The following RNGTT variants were observed in gnomAD, a reference collection of about 807,000 sequenced individuals.
RNGTT encodes the protein mRNA-capping enzyme.
RNGTT carries 33 observed loss-of-function variants against 79.3 expected under a neutral mutation model. That is an observed-to-expected ratio of 0.42 (90% CI 0.32 to 0.56). The LOEUF is 0.56. Ranked by LOEUF, RNGTT falls within the 20% of genes least tolerant of loss-of-function variation. The pLI is 0.17. For synonymous variants in RNGTT, 222 were observed against 235.9 expected (o/e 0.94, Z 0.54); for missense variants, 497 against 739.1 (o/e 0.67, Z 3.80).
intron 6 of RNGTT, among the ~76,000 whole-genome samples, chr6:88,903,484 A>G (rs1783542111): frequency 1.3e-5 from 2 of 152,350 alleles, no homozygotes; most frequent in South Asian, 2.1e-4. Context: ...GTAATTTCAG[A>G]TATCTAAATC....
intron 11 of RNGTT, among the ~76,000 whole-genome samples, chr6:88,843,616 T>C (rs1178418994): frequency 3.0e-5 from 4 of 132,566 alleles, no homozygotes; most frequent in African/African-American, 8.7e-5. Flanking sequence ...TGGAGTGCAA[T>C]GGCGCAATCT....
At chr6:88,922,367 ACAGACATGT>A (rs1309768257) in intron 4 of RNGTT, among the ~76,000 whole-genome samples, 4 of 152,162 alleles carry the variant, frequency 2.6e-5, no homozygotes, top group African/African-American at 9.7e-5. Context: ...AGAGCAAGTC[ACAGACATGT>A]CATGTCACTA....
At chr6:88,833,747 A>G (rs1014171853) in intron 11 of RNGTT, among the ~76,000 whole-genome samples, 3 of 152,142 alleles carry the variant, frequency 2.0e-5, no homozygotes, top group Admixed American at 6.6e-5. Context: ...CTTTTGACAG[A>G]GCATGGTGGC....
At chr6:88,880,676 T>A (rs967566844) in intron 8 of RNGTT, among the ~76,000 whole-genome samples, 2 of 152,192 alleles carry the variant, frequency 1.3e-5, no homozygotes. Flanking sequence ...ACAGTACTTA[T>A]TAAAACCATT....
intron 14 of RNGTT, among the ~76,000 whole-genome samples, chr6:88,633,266 A>G (rs1438553843): frequency 2.0e-5 from 3 of 149,406 alleles, no homozygotes; most frequent in Non-Finnish European, 4.5e-5. Context: ...GTATGTGTAG[A>G]AAAAAAAAAG....
In RNGTT at chr6:88,887,845, G is replaced by A. The variant is rs1365696981; in HGVS notation, c.896+2650C>T. 2.0e-5 allele frequency among the ~76,000 whole-genome samples: 3 copies of A among 152,324 alleles called. No homozygotes were observed. In the East Asian group the frequency reaches 5.8e-4, roughly 29 times the overall value. ...TAAAGAGTATATAAGGCCAGATGTG[G>A]TGGCTCATGCCTGTAATCCTAACAC... is the stretch of plus-strand genomic sequence containing the variant. On this transcript the variant is annotated intron_variant, in intron 8 of 15. Coordinates refer to ENST00000369485, the MANE Select transcript of RNGTT (RefSeq NM_003800.5).
intron 13 of RNGTT, among the ~76,000 whole-genome samples, chr6:88,708,263 T>A (rs1001247531): frequency 6.6e-6 from 1 of 152,048 alleles, no homozygotes; most frequent in Admixed American, 6.6e-5. Context: ...TGAAACTATC[T>A]TTTTCAAATT....
At position 88,723,678 on chromosome 6, in the gene RNGTT, A is replaced by T. The variant is rs552357669; in HGVS notation, c.1440-45259T>A. Among the ~76,000 whole-genome samples the T allele has an allele frequency of 2.0e-5, 3 of 152,336 alleles. No individual in the cohort carries two copies. The East Asian group carries it at 5.8e-4, about 29-fold the overall frequency. ...AATATAAAAATCTTATAGAATAAGG[A>T]TATCAAGAAAGAAAATATTTTTATA... On this transcript the variant is annotated intron_variant, in intron 13 of 15. Transcript: ENST00000369485.
Position 88,614,310 on chromosome 6 carries a change from G to A in RNGTT, c.1592C>T (p.Thr531Ile), listed in dbSNP as rs1251414747. The A allele has an allele frequency of 1.9e-6, 3 of 1,613,740 alleles. No homozygotes were observed. In the East Asian group the frequency reaches 6.7e-5, roughly 36 times the overall value. ...NNSWVFMRQR[T>I]DKSFPNAYNT... ...GTAGGCATTAGGAAAACTTTTGTCT[G>A]TTCTCTGTCTCATGAAGACCCAGCT... The change falls in exon 15 of 16, where the codon ACA becomes ATA. Residue 531 changes from threonine to isoleucine, a missense_variant. Around this residue, in one of 3 missense-constraint regions of RNGTT, gnomAD observed 440 missense variants for 671.5 expected, o/e 0.66. Transcript: ENST00000369485.
At chr6:88,877,333 G>C (rs1463420601) in intron 8 of RNGTT, among the ~76,000 whole-genome samples, 1 of 152,124 alleles carries the variant, frequency 6.6e-6, no homozygotes, top group Non-Finnish European at 1.5e-5. Flanking sequence ...TCAATAGCTG[G>C]CTAAATACTA....
intron 11 of RNGTT, among the ~76,000 whole-genome samples, chr6:88,802,560 C>A (rs900445230): frequency 7.9e-5 from 12 of 152,106 alleles, no homozygotes; most frequent in African/African-American, 2.9e-4. Context: ...TGCATTAGTT[C>A]ATTTTCACAC....
intron 14 of RNGTT, among the ~76,000 whole-genome samples, chr6:88,645,140 G>C (rs998733445): frequency 3.9e-5 from 6 of 152,234 alleles, no homozygotes; most frequent in East Asian, 3.9e-4. Context: ...TAAGCTGACA[G>C]GCAACTTCAG....
chr6:88,723,013 G>A (rs1776756215), intron 13 of RNGTT, among the ~76,000 whole-genome samples: 1 of 152,188 alleles, frequency 6.6e-6, no homozygotes, highest in Admixed American at 6.5e-5. Context: ...TTACAATAGT[G>A]TATTTGTATT....
intron 8 of RNGTT, among the ~76,000 whole-genome samples, chr6:88,880,763 T>A (rs1782671432): frequency 6.6e-6 from 1 of 152,164 alleles, no homozygotes; most frequent in Non-Finnish European, 1.5e-5. Flanking sequence ...AGAATTAAAA[T>A]AAAAGGCATG....
At chr6:88,903,563 T>G (rs907380100) in intron 6 of RNGTT, among the ~76,000 whole-genome samples, 2 of 152,238 alleles carry the variant, frequency 1.3e-5, no homozygotes, top group African/African-American at 4.8e-5. Flanking sequence ...CGAAGCAATT[T>G]ACACTTTTCA....
At position 88,963,355 on chromosome 6, in the gene RNGTT, G is replaced by T; in HGVS notation, c.55C>A (p.Pro19Thr). The change falls in exon 1 of 16, where the codon CCG (proline) becomes ACG (threonine). Residue 19 changes from proline to threonine, a missense_variant. Physicochemically the swap from Pro to Thr is conservative, Grantham distance 38. This residue lies in a region of RNGTT where 440 missense variants were observed against 671.5 expected (regional missense o/e 0.66). Transcript: ENST00000369485. ...RWLNCPRRGQPVAGRFLPLKT... is the reference protein window; with the variant it reads ...RWLNCPRRGQTVAGRFLPLKT... The stretch of plus-strand genomic sequence containing the variant: ...CCCCAGTCCAGGTTACCTGCCACCG[G>T]CTGGCCGCGCCGGGGACAGTTCAGC... 6.2e-7 allele frequency: 1 copy of T among 1,611,792 alleles called. No homozygotes were observed.
chr6:88,849,232 T>G (rs548144504), intron 10 of RNGTT, among the ~76,000 whole-genome samples: 2 of 152,180 alleles, frequency 1.3e-5, no homozygotes, highest in South Asian at 2.1e-4. Context: ...CCTGAGGCTC[T>G]TAAATTTGAA....
At chr6:88,790,213 G>A (rs1779361372) in intron 12 of RNGTT, among the ~76,000 whole-genome samples, 1 of 152,120 alleles carries the variant, frequency 6.6e-6, no homozygotes, top group East Asian at 1.9e-4. Context: ...AGTCATTCCT[G>A]GTGCAGTGCC....
chr6:88,639,821 C>T (rs565993764), intron 14 of RNGTT, among the ~76,000 whole-genome samples: 3 of 152,318 alleles, frequency 2.0e-5, no homozygotes, highest in East Asian at 3.9e-4. Flanking sequence ...AGTACCTTCA[C>T]ATGCATTAAG....
Sources: allele counts gnomAD v4.1 joint callset (sites outside exome capture counted in the v4.1 genomes callset), GRCh38; gene constraint gnomAD v4.1.1; regional missense constraint gnomAD v4.1.1; transcripts MANE v1.5; gene names NCBI Gene and HGNC (gene_info 2026-07-23, HGNC 2026-07-21).